The following MALT1 variants were observed in gnomAD, a reference collection of about 807,000 sequenced individuals.
MALT1 encodes mucosa-associated lymphoid tissue lymphoma translocation protein 1.
In MALT1, 36 loss-of-function variants were observed where a neutral mutation model predicts 85.5. The observed-to-expected ratio is 0.42, with a 90% CI of 0.32 to 0.56. The LOEUF (loss-of-function observed/expected upper bound fraction) is 0.56. MALT1 is among the 20% of genes least tolerant of loss of function. The pLI, the probability that MALT1 is intolerant of heterozygous loss-of-function variation, is 0.10. For synonymous variants in MALT1, 359 were observed against 361.3 expected (o/e 0.99, Z 0.07); for missense variants, 716 against 981.6 (o/e 0.73, Z 3.62).
At chr18:58,678,056 A>G (rs1489816840) in intron 1 of MALT1, among the ~76,000 whole-genome samples, 1 of 152,228 alleles carries the variant, frequency 6.6e-6, no homozygotes, top group Non-Finnish European at 1.5e-5. Context: ...GTTACTTGCC[A>G]AGCACTGTGT....
intron 4 of MALT1, among the ~76,000 whole-genome samples, chr18:58,704,902 T>C (rs908642195): frequency 2.0e-5 from 3 of 152,224 alleles, no homozygotes; most frequent in African/African-American, 4.8e-5. Context: ...TCAAGGTGTT[T>C]AGTCCATTTA....
intron 10 of MALT1, among the ~76,000 whole-genome samples, chr18:58,729,279 C>T (rs1317700355): frequency 6.6e-6 from 1 of 152,076 alleles, no homozygotes. Context: ...CACCTGAGGT[C>T]TGGAGTTTGA....
intron 4 of MALT1, among the ~76,000 whole-genome samples, chr18:58,709,172 T>C (rs968035412): frequency 6.6e-6 from 1 of 152,198 alleles, no homozygotes; most frequent in Admixed American, 6.5e-5. Context: ...AACCCAGAAT[T>C]TTCTAAGTTT....
In MALT1 at chr18:58,698,072, TTTG is replaced by T. The variant is rs1568132658; in HGVS notation, c.498+1588_498+1590del. ...TGTTGTTGTTGTTTTGTTTTGTTTT[TTTG>T]TTTTTTTTTTGAGATGGAGTCTCGC... On this transcript the variant is annotated intron_variant, in intron 3 of 16. Transcript: ENST00000649217. 5.2e-5 allele frequency among the ~76,000 whole-genome samples: 4 copies of T among 77,106 alleles called. 1 individual carries two copies. The highest frequency in any genetic ancestry group is 3.7e-4 in the East Asian group (1 of 2,690). 50.6% of individuals were successfully genotyped at this position (77,106 alleles called of 152,430 possible).
intron 1 of MALT1, among the ~76,000 whole-genome samples, chr18:58,676,967 T>TA (rs2054249013): frequency 1.3e-5 from 2 of 152,134 alleles, no homozygotes; most frequent in Admixed American, 6.5e-5. Flanking sequence ...TGATTATATA[T>TA]TTTTTTAAAG....
chr18:58,741,842 A>G, intron 13 of MALT1, 23 bp from the exon 14 acceptor site: 1 of 1,418,684 alleles, frequency 7.0e-7, no homozygotes, highest in Non-Finnish European at 9.6e-7. Context: ...CTTAAAAATA[A>G]TATTTATTTT....
chr18:58,676,656 C>G (rs933949663), intron 1 of MALT1, among the ~76,000 whole-genome samples: 9 of 152,304 alleles, frequency 5.9e-5, no homozygotes, highest in African/African-American at 2.2e-4. Context: ...CTTGCGTTAC[C>G]TCCACAACAC....
In MALT1 at chr18:58,688,537, A is replaced by C. The variant is rs1444170661; in HGVS notation, c.376+7201A>C. Reference sequence around the variant, plus strand: ...CAACATAATGAGGCCCTGTTTCTACAAAAAAAAAAAAAAAAAAAAAAAAAA... The same window carrying C: ...CAACATAATGAGGCCCTGTTTCTACCAAAAAAAAAAAAAAAAAAAAAAAAA... On this transcript the variant is annotated intron_variant, in intron 2 of 16. Coordinates refer to ENST00000649217, the MANE Select transcript of MALT1 (RefSeq NM_006785.4). Among the ~76,000 whole-genome samples the C allele has an allele frequency of 2.2e-4, 9 of 40,898 alleles. No homozygotes were observed. The East Asian group carries it at 3.3e-3, about 15-fold the overall frequency. 26.8% of individuals were successfully genotyped at this position (40,898 alleles called of 152,430 possible).
At chr18:58,703,574 G>C (rs1158718878) in intron 4 of MALT1, among the ~76,000 whole-genome samples, 1 of 152,104 alleles carries the variant, frequency 6.6e-6, no homozygotes, top group Non-Finnish European at 1.5e-5. Flanking sequence ...TGTCTTACAT[G>C]GTGGCAGGAG....
chr18:58,691,298 A>G (rs9951174), intron 2 of MALT1: 36,616 of 651,904 alleles, frequency 0.056, 2,533 homozygotes, highest in African/African-American at 0.27. Context: ...CCGATTTGCA[A>G]CCACATAGCC....
chr18:58,694,255 A>G (rs2054555499), intron 2 of MALT1, among the ~76,000 whole-genome samples: 1 of 152,236 alleles, frequency 6.6e-6, no homozygotes, highest in African/African-American at 2.4e-5. Context: ...TGTGCTAGGT[A>G]TACAATAAAT....
At chr18:58,698,868 C>G (rs1479920768) in intron 3 of MALT1, among the ~76,000 whole-genome samples, 4 of 152,176 alleles carry the variant, frequency 2.6e-5, no homozygotes, top group Non-Finnish European at 5.9e-5. Context: ...CATGCAGGCA[C>G]CAGTGGTATC....
At chr18:58,727,614 G>GTTTTTTTTTTTTTTTTTT (rs1602327763) in intron 10 of MALT1, among the ~76,000 whole-genome samples, 4 of 110,484 alleles carry the variant, frequency 3.6e-5, no homozygotes, top group African/African-American at 1.8e-4. Flanking sequence ...AAGGTTTTTT[G>GTTTTTTTTTTTTTTTTTT]TGTTTTTTTT....
In MALT1 at chr18:58,671,790, C is replaced by T; in HGVS notation, c.147C>T (p.Pro49=). 1 of 1,251,756 alleles carries T rather than the reference C, an allele frequency of 8.0e-7. No homozygotes were observed. The highest frequency in any genetic ancestry group is 1.0e-6 in the Non-Finnish European group (1 of 999,356). 77.5% of individuals were successfully genotyped at this position (1,251,756 alleles called of 1,614,324 possible). A position where few individuals can be genotyped will look rare whatever the true frequency, so the allele number is the denominator to read the frequency against. Reference sequence around the variant, plus strand: ...TCAGCGAGCTCCTGGATCAGGCGCCCGAGGGCCGGGGCTGGAGGAGACTGG... The same window carrying T: ...TCAGCGAGCTCCTGGATCAGGCGCCTGAGGGCCGGGGCTGGAGGAGACTGG... ...RRLSELLDQA[P]EGRGWRRLAE... Residue 49 remains proline (P), a synonymous_variant, in exon 1 of 17, where the codon CCC becomes CCT. Coordinates refer to ENST00000649217, the MANE Select transcript of MALT1 (RefSeq NM_006785.4).
Position 58,733,527 on chromosome 18 carries a change from A to C in MALT1, c.1353A>C (p.Glu451Asp). The C allele has an allele frequency of 6.2e-7, 1 of 1,612,164 alleles. No homozygotes were observed. Among genetic ancestry groups the C allele is most frequent in the Non-Finnish European group, 8.5e-7 (1 of 1,178,772 alleles). ...AAAATATACTGAAATTGATGCAAGA[A>C]AAAGAAACTGGACTTAATGTGTTCT... ...CVQNILKLMQ[E>D]KETGLNVFLL... The change falls in exon 11 of 17, where the codon GAA becomes GAC. Residue 451 changes from glutamate to aspartate, a missense_variant. This residue lies in a region of MALT1 where 86 missense variants were observed against 212.3 expected (regional missense o/e 0.41). Transcript: ENST00000649217.
At chr18:58,705,553 CTA>C (rs2054739420) in intron 4 of MALT1, among the ~76,000 whole-genome samples, 2 of 142,886 alleles carry the variant, frequency 1.4e-5, no homozygotes, top group Admixed American at 1.4e-4. Context: ...CAATTCCCAC[CTA>C]TGAGTGAGAA....
At chr18:58,740,908 A>T (rs936965766) in intron 13 of MALT1, among the ~76,000 whole-genome samples, 4 of 152,148 alleles carry the variant, frequency 2.6e-5, no homozygotes, top group African/African-American at 7.2e-5. Context: ...TACTTCATAT[A>T]TAGTGACTAT....
intron 15 of MALT1, 43 bp from the exon 16 acceptor site, chr18:58,745,623 C>T: frequency 6.5e-7 from 1 of 1,534,218 alleles, no homozygotes. Flanking sequence ...TTGTGGCTTT[C>T]ATTGATTTCA....
chr18:58,688,112 T>A (rs1243784806), intron 2 of MALT1, among the ~76,000 whole-genome samples: 1 of 152,192 alleles, frequency 6.6e-6, no homozygotes, highest in Admixed American at 6.5e-5. Flanking sequence ...GGGTGCTGCA[T>A]TGGGGTGGCT....
Sources: gnomAD v4.1 joint callset for allele counts (sites outside exome capture counted in the v4.1 genomes callset) on GRCh38, gnomAD v4.1.1 for gene constraint, gnomAD v4.1.1 regional missense constraint, MANE v1.5 for transcripts, NCBI Gene and HGNC (gene_info 2026-07-23, HGNC 2026-07-21) for gene names.